Variants in BMPER observed in about 807,000 individuals in gnomAD.
BMPER encodes the protein BMP-binding endothelial regulator protein.
Under a neutral mutation model 87.3 loss-of-function variants are expected in BMPER, and 45 were observed. The ratio of observed to expected loss-of-function variants is 0.52; its 90% CI spans 0.41 to 0.66. The LOEUF is 0.66. Ranked by LOEUF, BMPER falls within the 30% of genes least tolerant of loss-of-function variation. The pLI, the probability that BMPER is intolerant of heterozygous loss-of-function variation, is 0.00. For synonymous variants in BMPER, 326 were observed against 316.2 expected (o/e 1.03, Z -0.33); for missense variants, 784 against 867.5 (o/e 0.90, Z 1.21).
intron 2 of BMPER, among the ~76,000 whole-genome samples, chr7:33,930,518 A>G (rs972570156): frequency 1.1e-4 from 17 of 152,322 alleles, no homozygotes; most frequent in African/African-American, 3.8e-4. Flanking sequence ...GACAGGCTGG[A>G]GCAGGTATAA....
At position 33,966,627 on chromosome 7, in the gene BMPER, C is replaced by T. The variant is rs1785413940; in HGVS notation, c.402+66C>T. On this transcript the variant is annotated intron_variant, in intron 4 of 14. Transcript: ENST00000649409. ...ATAGAGTCCTCTTTAGTCACCCCTT[C>T]ACACAACATAGAACAAAACCCTAAA... The T allele has an allele frequency of 1.8e-5, 26 of 1,476,574 alleles. No individual in the cohort carries two copies. In the South Asian group the frequency reaches 3.0e-4, roughly 17 times the overall value. The allele number at this position is 1,476,574 out of a possible 1,614,324, so 91.5% of individuals were successfully genotyped here.
In BMPER at chr7:34,031,383, T is replaced by A. The variant is rs766670870; in HGVS notation, c.577-14923T>A. ...AAAACAAAGACTTGCAAGATTATTT[T>A]ATAAAATCTGTGTTGAACTTATATA... On this transcript the variant is annotated intron_variant, in intron 6 of 14. Coordinates refer to ENST00000649409, the MANE Select transcript of BMPER (RefSeq NM_001365308.1). Among the ~76,000 whole-genome samples the A allele has an allele frequency of 8.5e-4, 130 of 152,254 alleles. 1 individual carries two copies. The highest frequency in any genetic ancestry group is 1.6e-3 in the Non-Finnish European group (107 of 68,006).
At chr7:33,938,856 T>A (rs1784677731) in intron 3 of BMPER, among the ~76,000 whole-genome samples, 1 of 152,042 alleles carries the variant, frequency 6.6e-6, no homozygotes, top group Non-Finnish European at 1.5e-5. Flanking sequence ...TGAAACCCTG[T>A]CTCTACTAAA....
At chr7:33,963,321 G>A (rs1785317516) in intron 3 of BMPER, among the ~76,000 whole-genome samples, 1 of 152,166 alleles carries the variant, frequency 6.6e-6, no homozygotes, top group South Asian at 2.1e-4. Flanking sequence ...TCTACAATAA[G>A]TTGAGTACAA....
intron 13 of BMPER, among the ~76,000 whole-genome samples, chr7:34,115,518 C>T (rs530006710): frequency 2.0e-5 from 3 of 152,290 alleles, no homozygotes; most frequent in African/African-American, 7.2e-5. Context: ...ATCCCTAGCC[C>T]TTGGTAACCA....
intron 7 of BMPER, among the ~76,000 whole-genome samples, chr7:34,048,186 A>G (rs1788040421): frequency 6.6e-6 from 1 of 152,054 alleles, no homozygotes; most frequent in African/African-American, 2.4e-5. Flanking sequence ...TTCCCAAATT[A>G]GCACAGCCAT....
chr7:34,028,601 G>GT lies in BMPER; in HGVS notation c.577-17673dup. On this transcript the variant is annotated intron_variant, in intron 6 of 14. Coordinates refer to ENST00000649409, the MANE Select transcript of BMPER (RefSeq NM_001365308.1). ...ACATACAGTCCAAATCATTTTTTCT[G>GT]TTTTTTTTTTTTTTTTTTTTTTTTT... is the stretch of plus-strand genomic sequence containing the variant. Among the ~76,000 whole-genome samples, 237 of 36,050 alleles carry GT rather than the reference G, an allele frequency of 6.6e-3. 21 individuals carry two copies. Among genetic ancestry groups the GT allele is most frequent in the African/African-American group, 8.2e-3 (93 of 11,380 alleles). The allele number at this position is 36,050 out of a possible 152,430, so 23.7% of individuals were successfully genotyped here.
intron 2 of BMPER, among the ~76,000 whole-genome samples, chr7:33,923,058 C>T (rs1207075993): frequency 6.6e-6 from 1 of 152,146 alleles, no homozygotes; most frequent in Non-Finnish European, 1.5e-5. Flanking sequence ...TTCTCTGCTT[C>T]TTGGCCAGTG....
intron 5 of BMPER, among the ~76,000 whole-genome samples, chr7:33,973,214 T>C (rs1197915974): frequency 1.3e-5 from 2 of 150,954 alleles, no homozygotes; most frequent in Non-Finnish European, 3.0e-5. Context: ...TGGCAATCCG[T>C]GTGACAAAAT....
At chr7:34,144,776 A>AT (rs1790974843) in intron 14 of BMPER, among the ~76,000 whole-genome samples, 1 of 152,088 alleles carries the variant, frequency 6.6e-6, no homozygotes, top group African/African-American at 2.4e-5. Context: ...GGATTGGCAA[A>AT]TTTTTGTTTT....
At position 34,055,306 on chromosome 7, in the gene BMPER, A is replaced by T. The variant is rs373747862; in HGVS notation, c.927+3A>T. ...AATTTGGCAACAAGATTTTCCAGGTATGTCATGAGACAAGCACATGGGAAC... is the reference window on the plus strand; with the variant it reads ...AATTTGGCAACAAGATTTTCCAGGTTTGTCATGAGACAAGCACATGGGAAC... On this transcript the variant is annotated splice_donor_region_variant and intron_variant, in intron 9 of 14. Coordinates refer to ENST00000649409, the MANE Select transcript of BMPER (RefSeq NM_001365308.1). 2.5e-6 allele frequency: 4 copies of T among 1,613,918 alleles called. No homozygotes were observed. The South Asian group carries it at 4.4e-5, about 18-fold the overall frequency.
intron 11 of BMPER, among the ~76,000 whole-genome samples, chr7:34,069,858 C>T (rs1437381260): frequency 6.6e-6 from 1 of 152,170 alleles, no homozygotes; most frequent in Non-Finnish European, 1.5e-5. Flanking sequence ...ATTAGCTGTG[C>T]TTTGCATGGC....
At position 34,058,243 on chromosome 7, in the gene BMPER, C is replaced by T. The variant is rs551154972; in HGVS notation, c.1032+80C>T. ...TGTGGCACAGTCGCATGCCATCTTC[C>T]GAACACAGACTCCAGCTCCCCCAAA... On this transcript the variant is annotated intron_variant, in intron 10 of 14. Coordinates refer to ENST00000649409, the MANE Select transcript of BMPER (RefSeq NM_001365308.1). The T allele has an allele frequency of 3.6e-5, 47 of 1,294,318 alleles. 1 individual carries two copies. The highest frequency in any genetic ancestry group is 2.0e-4 in the South Asian group (16 of 80,640). 80.2% of individuals were successfully genotyped at this position (1,294,318 alleles called of 1,614,324 possible).
Position 34,128,826 on chromosome 7 carries a change from A to T in BMPER, c.1746-14404A>T, listed in dbSNP as rs751199999. 1.1e-3 allele frequency among the ~76,000 whole-genome samples: 163 copies of T among 152,316 alleles called. No homozygotes were observed. The Middle Eastern group carries it at 0.02, about 19-fold the overall frequency. Reference sequence around the variant, plus strand: ...TGTCTATCACAGGAATGAGATTCCTAAAAAGCTACCGAGCTCCTATCACAG... The same window carrying T: ...TGTCTATCACAGGAATGAGATTCCTTAAAAGCTACCGAGCTCCTATCACAG... On this transcript the variant is annotated intron_variant, in intron 13 of 14. Coordinates refer to ENST00000649409, the MANE Select transcript of BMPER (RefSeq NM_001365308.1).
intron 14 of BMPER, among the ~76,000 whole-genome samples, chr7:34,146,871 T>A (rs1791040149): frequency 6.6e-6 from 1 of 152,242 alleles, no homozygotes; most frequent in South Asian, 2.1e-4. Flanking sequence ...TAAATCTTAG[T>A]CACCTTAGTG....
intron 13 of BMPER, among the ~76,000 whole-genome samples, chr7:34,093,224 T>C (rs1789438899): frequency 6.6e-6 from 1 of 152,206 alleles, no homozygotes; most frequent in South Asian, 2.1e-4. Flanking sequence ...CCTCGTGGCA[T>C]CATGGGCTGG....
At chr7:33,983,877 C>A (rs897914344) in intron 6 of BMPER, among the ~76,000 whole-genome samples, 6 of 152,062 alleles carry the variant, frequency 3.9e-5, no homozygotes, top group Non-Finnish European at 5.9e-5. Context: ...AAATCTGGTA[C>A]AAGAAATATT....
chr7:33,915,100 A>G (rs1477165396), intron 2 of BMPER, among the ~76,000 whole-genome samples: 1 of 152,212 alleles, frequency 6.6e-6, no homozygotes, highest in African/African-American at 2.4e-5. Context: ...AAAATCACAA[A>G]TTTTCCAAAC....
intron 3 of BMPER, among the ~76,000 whole-genome samples, chr7:33,965,340 C>G (rs1013200930): frequency 6.6e-6 from 1 of 152,004 alleles, no homozygotes; most frequent in Non-Finnish European, 1.5e-5. Context: ...ATGAAAACAT[C>G]TATTGAATTT....
Sources: gnomAD v4.1 joint callset for allele counts (sites outside exome capture counted in the v4.1 genomes callset) on GRCh38, gnomAD v4.1.1 for gene constraint, MANE v1.5 for transcripts, NCBI Gene and HGNC (gene_info 2026-07-23, HGNC 2026-07-21) for gene names.